The following HTR3A variants were observed in gnomAD, a reference collection of about 807,000 sequenced individuals.
The protein encoded by HTR3A is 5-hydroxytryptamine receptor 3A.
Under a neutral mutation model 54.8 loss-of-function variants are expected in HTR3A, and 45 were observed. The observed-to-expected ratio is 0.82, with a 90% confidence interval of 0.65 to 1.05. HTR3A has a LOEUF of 1.05. Ranked by LOEUF, HTR3A falls within the 50% of genes least tolerant of loss-of-function variation. The probability of loss-of-function intolerance (pLI) is 0.00; values close to 1 mark genes in which losing one functional copy is unlikely to be tolerated. For synonymous variants in HTR3A, 297 were observed against 256.0 expected, an observed-to-expected ratio of 1.16 and a Z score of -1.53; for missense variants, 657 against 614.0, an observed-to-expected ratio of 1.07 and a Z score of -0.74.
chr11:113,986,670 C>T lies in HTR3A; in HGVS notation c.858C>T (p.Val286=), dbSNP rs144025644. 1.2e-6 allele frequency: 2 copies of T among 1,614,186 alleles called. No homozygotes were observed. Among genetic ancestry groups the T allele is most frequent in the African/African-American group, 2.7e-5 (2 of 75,040 alleles). Residue 286 remains valine (V), a synonymous_variant, in exon 7 of 9, where the codon GTC becomes GTT. Coordinates refer to ENST00000504030, the MANE Select transcript of HTR3A (RefSeq NM_000869.6). Reference sequence around the variant, plus strand: ...TTACACTCCTCCTGGGCTACTCGGTCTTCCTGATCATCGTTTCTGACACGC... The same window carrying T: ...TTACACTCCTCCTGGGCTACTCGGTTTTCCTGATCATCGTTTCTGACACGC... ...FKITLLLGYS[V]FLIIVSDTLP... is the part of the protein sequence containing the mutation.
chr11:113,989,837 C>A lies in HTR3A; in HGVS notation c.*74C>A. 6.7e-7 allele frequency: 1 copy of A among 1,499,820 alleles called. No individual in the cohort carries two copies. The highest frequency in any genetic ancestry group is 9.2e-7 in the Non-Finnish European group (1 of 1,089,310). The allele number at this position is 1,499,820 out of a possible 1,614,324, so 92.9% of individuals were successfully genotyped here. On this transcript the variant is annotated 3_prime_UTR_variant, in exon 9 of 9. Coordinates refer to ENST00000504030, the MANE Select transcript of HTR3A (RefSeq NM_000869.6). This position sits in a 1 kb window ranked among gnomAD's most constrained non-coding sequence, Gnocchi z 4.4. The stretch of plus-strand genomic sequence containing the variant: ...ACAGAGGATTTCTGCTTAGGCCCCT[C>A]AGGACCCAGGGAATGCCAGGGACAT...
chr11:113,986,622 T>C lies in HTR3A; in HGVS notation c.810T>C (p.Ser270=). The C allele has an allele frequency of 6.2e-7, 1 of 1,613,932 alleles. No individual in the cohort carries two copies. The highest frequency in any genetic ancestry group is 1.3e-5 in the African/African-American group (1 of 75,028). ...TGGGCTTCTACCTGCCCCCCAACAGTGGCGAGAGGGTCTCTTTCAAGATTA... is the reference window on the plus strand; with the variant it reads ...TGGGCTTCTACCTGCCCCCCAACAGCGGCGAGAGGGTCTCTTTCAAGATTA... The part of the protein sequence containing the change: ...DIVGFYLPPN[S]GERVSFKITL... The change falls in exon 7 of 9, where the codon AGT becomes AGC. Residue 270 remains serine, a synonymous_variant. Transcript: ENST00000504030.
chr11:113,979,455 T>A (rs1057423860), intron 3 of HTR3A, among the ~76,000 whole-genome samples, 178 bp downstream of exon 3: 2 of 152,066 alleles, frequency 1.3e-5, no homozygotes, highest in Admixed American at 6.6e-5. Context: ...GGAAGTAGGC[T>A]TAAAGATAGT....
rs1423507495 is a variant in HTR3A at position 113,986,976 on chromosome 11, C to T, written c.1068C>T (p.Cys356=). Reference sequence around the variant, plus strand: ...TGGAGAGAATCGCCTGGCTACTTTGCCTGAGGGAGCAGTCAACTTCCCAGA... The same window carrying T: ...TGGAGAGAATCGCCTGGCTACTTTGTCTGAGGGAGCAGTCAACTTCCCAGA... The part of the protein sequence containing the change: ...LVLERIAWLL[C]LREQSTSQRP... The change falls in exon 8 of 9, where the codon TGC becomes TGT. Residue 356 remains cysteine, a synonymous_variant. Coordinates refer to ENST00000504030, the MANE Select transcript of HTR3A (RefSeq NM_000869.6). 6.2e-7 allele frequency: 1 copy of T among 1,614,082 alleles called. No homozygotes were observed. Among genetic ancestry groups the T allele is most frequent in the East Asian group, 2.2e-5 (1 of 44,860 alleles).
intron 1 of HTR3A, among the ~76,000 whole-genome samples, chr11:113,976,913 C>A (rs906427808): frequency 6.6e-6 from 1 of 151,802 alleles, no homozygotes; most frequent in Non-Finnish European, 1.5e-5. Flanking sequence ...TGGAAGTGCT[C>A]CTGCTGCTTC....
chr11:113,978,644 T>A (rs773018791), intron 2 of HTR3A, among the ~76,000 whole-genome samples: 32 of 152,304 alleles, frequency 2.1e-4, no homozygotes, highest in Non-Finnish European at 4.3e-4. Context: ...TTGCTGGGGT[T>A]ACAGACGTAA....
In HTR3A at chr11:113,986,084, A is replaced by G. The variant is rs1487978589; in HGVS notation, c.614A>G (p.Asn205Ser). The change falls in exon 6 of 9, where the codon AAC (asparagine) becomes AGC (serine). Residue 205 changes from asparagine (N) to serine (S), a missense_variant. Transcript: ENST00000504030. ...AAATCCGACAGGAGTGTCTTCATGA[A>G]CCAGGGAGAGTGGGAGTTGCTGGGG... ...KVKSDRSVFM[N>S]QGEWELLGVL... is the part of the protein sequence containing the mutation. The G allele has an allele frequency of 3.7e-6, 6 of 1,614,190 alleles. No homozygotes were observed. In the East Asian group the frequency reaches 8.9e-5, roughly 24 times the overall value.
rs149205752 is a variant in HTR3A, at chr11:113,986,773, G to A, written c.916+45G>A. 50 of 1,466,850 alleles carry A rather than the reference G, an allele frequency of 3.4e-5. 1 individual carries two copies. The highest frequency in any genetic ancestry group is 3.5e-4 in the Middle Eastern group (2 of 5,744). The allele number at this position is 1,466,850 out of a possible 1,614,324, so 90.9% of individuals were successfully genotyped here. A position where few individuals can be genotyped will look rare whatever the true frequency, so the allele number is the denominator to read the frequency against. ...CAGAGCTCAGTCTGGTGAGAAACCC[G>A]CCCCCTCCCACCTCCTGCATGTGTC... On this transcript the variant is annotated intron_variant, in intron 7 of 8. Coordinates refer to ENST00000504030, the MANE Select transcript of HTR3A (RefSeq NM_000869.6).
At chr11:113,977,980 T>C (rs2137569576) in intron 2 of HTR3A, 58 bp downstream of exon 2, 3 of 1,603,530 alleles carry the variant, frequency 1.9e-6, no homozygotes, top group East Asian at 2.2e-5. Context: ...GAGAAGGCCA[T>C]GTGAGACAAG....
chr11:113,981,378 G>A (rs1459473564), intron 4 of HTR3A, 66 bp downstream of exon 4: 1 of 950,080 alleles, frequency 1.1e-6, no homozygotes, highest in East Asian at 2.4e-5. Context: ...CGGGGACAGA[G>A]AGACAAGATT....
chr11:113,976,571 T>TTGTGTGTG (rs34498899), intron 1 of HTR3A, among the ~76,000 whole-genome samples: 46 of 135,426 alleles, frequency 3.4e-4, no homozygotes, highest in African/African-American at 1.1e-3. Context: ...AAAAAATAGT[T>TTGTGTGTG]TGTGTGTGTG....
chr11:113,982,614 T>C (rs1453725670), intron 4 of HTR3A, among the ~76,000 whole-genome samples: 2 of 152,220 alleles, frequency 1.3e-5, no homozygotes, highest in South Asian at 2.1e-4. Context: ...CCAATTCTTA[T>C]CCATTTCTCT....
rs763753633 is a variant in HTR3A at position 113,977,896 on chromosome 11, G to A, written c.193G>A (p.Val65Ile). Residue 65 changes from valine (V) to isoleucine (I), a missense_variant, in exon 2 of 9, where the codon GTC becomes ATC. Transcript: ENST00000504030. ...GAAGCCAACCACCGTATCCATTGAC[G>A]TCATTGTCTATGCCATCCTCAACGT... is the stretch of plus-strand genomic sequence containing the variant. ...WRKPTTVSID[V>I]IVYAILNVDE... 3.5e-5 allele frequency: 57 copies of A among 1,614,092 alleles called. No individual in the cohort carries two copies. The highest frequency in any genetic ancestry group is 1.3e-4 in the South Asian group (12 of 91,084).
At chr11:113,983,626 A>G (rs578073993) in intron 5 of HTR3A, among the ~76,000 whole-genome samples, 17 of 152,294 alleles carry the variant, frequency 1.1e-4, no homozygotes, top group Admixed American at 6.5e-4. Context: ...CTTATTTTAC[A>G]TTAATATATC....
At chr11:113,975,468 G>T in intron 1 of HTR3A, 76 bp downstream of exon 1, 1 of 1,219,152 alleles carries the variant, frequency 8.2e-7, no homozygotes, top group Admixed American at 1.8e-5. Flanking sequence ...TCAGTCCTCC[G>T]AGGGCTGTGG....
rs571672236 is a variant in HTR3A, at chr11:113,989,266, G to A, written c.1139-199G>A. Among the ~76,000 whole-genome samples, 2 of 152,132 alleles carry A rather than the reference G, an allele frequency of 1.3e-5. No homozygotes were observed. Among genetic ancestry groups the A allele is most frequent in the South Asian group, 4.2e-4 (2 of 4,814 alleles). On this transcript the variant is annotated intron_variant, in intron 8 of 8. Transcript: ENST00000504030. The surrounding 1 kb of genome is among the most constrained non-coding windows in gnomAD (Gnocchi z 4.4). ...TAATCCCAGCTACTTGGGAGGTTGA[G>A]GCAGGAGAATTGCTTGAACTCGGGA...
At chr11:113,982,977 G>A (rs3737457) in intron 4 of HTR3A, 143 bp from the exon 5 acceptor site, 40,868 of 912,376 alleles carry the variant, frequency 0.045, 3,030 homozygotes, top group Admixed American at 0.22. Flanking sequence ...TGGAAAAACC[G>A]AGGCCAGGCA....
intron 1 of HTR3A, among the ~76,000 whole-genome samples, chr11:113,977,280 T>C (rs1950362451): frequency 6.6e-6 from 1 of 152,236 alleles, no homozygotes; most frequent in Non-Finnish European, 1.5e-5. Flanking sequence ...AAAGGAGATG[T>C]TGTGTGCAGA....
chr11:113,987,253 G>C (rs150844390), intron 8 of HTR3A, among the ~76,000 whole-genome samples: 2 of 152,312 alleles, frequency 1.3e-5, no homozygotes, highest in Non-Finnish European at 2.9e-5. Flanking sequence ...ATTACCTTGG[G>C]TGTTGACAGA....
Sources: allele counts gnomAD v4.1 joint callset (sites outside exome capture counted in the v4.1 genomes callset), GRCh38; gene constraint gnomAD v4.1.1; non-coding constraint Gnocchi (gnomAD v3.1); transcripts MANE v1.5; gene names NCBI Gene and HGNC (gene_info 2026-07-23, HGNC 2026-07-21).